ACAD10: variants seen among roughly 807,000 people sequenced by gnomAD.
The protein encoded by ACAD10 is ACAD-10.
A neutral mutation model predicts 116.8 loss-of-function variants in ACAD10; 112 were observed. The ratio of observed to expected loss-of-function variants is 0.96; its 90% CI spans 0.82 to 1.12. The LOEUF is 1.12. Among genes scored for constraint, ACAD10 ranks in the 50% most tolerant of loss-of-function variants. The pLI is 0.00. For synonymous variants in ACAD10, 486 were observed against 510.6 expected, an observed-to-expected ratio of 0.95 and a Z score of 0.65; for missense variants, 1,259 against 1,350.2, an observed-to-expected ratio of 0.93 and a Z score of 1.06.
intron 12 of ACAD10, 23 bp from the exon 13 acceptor site, chr12:111,744,620 T>C: frequency 6.3e-7 from 1 of 1,596,174 alleles, no homozygotes; most frequent in South Asian, 1.1e-5. Flanking sequence ...GAGTAATCAC[T>C]GTTTTTCTTT....
At chr12:111,689,147 T>C (rs1887967200) in intron 1 of ACAD10, among the ~76,000 whole-genome samples, 1 of 151,800 alleles carries the variant, frequency 6.6e-6, no homozygotes, top group Admixed American at 6.6e-5. Flanking sequence ...GCTCTGATCA[T>C]GCCACCGCAT....
intron 8 of ACAD10, among the ~76,000 whole-genome samples, chr12:111,723,553 C>T (rs1396526660): frequency 5.1e-5 from 7 of 137,358 alleles, no homozygotes; most frequent in Non-Finnish European, 9.6e-5. Context: ...CAGGCAGAGG[C>T]GCCCCTCACC....
intron 8 of ACAD10, among the ~76,000 whole-genome samples, chr12:111,726,628 G>C (rs1382622474): frequency 6.6e-6 from 1 of 152,118 alleles, no homozygotes; most frequent in Non-Finnish European, 1.5e-5. Flanking sequence ...TTGGGAGGCT[G>C]AGGCGGATGG....
At chr12:111,702,338 A>G (rs1355573428) in intron 3 of ACAD10, 28 bp downstream of exon 3, 4 of 1,604,630 alleles carry the variant, frequency 2.5e-6, no homozygotes, top group Non-Finnish European at 3.4e-6. Flanking sequence ...CTACATTTCC[A>G]TATTTTTCTT....
At chr12:111,721,523 G>A (rs578036600) in intron 7 of ACAD10, 148 bp from the exon 8 acceptor site, 68 of 593,308 alleles carry the variant, frequency 1.1e-4, no homozygotes, top group Non-Finnish European at 1.8e-4. Flanking sequence ...AGCCAAGATC[G>A]TGCCACTGCA....
Position 111,744,706 on chromosome 12 carries a change from C to T in ACAD10, c.1778C>T (p.Ala593Val), listed in dbSNP as rs1183799240. ...GKLTEFVSNL[A>V]WDFAVKEGFR... ...CTGACCGAATTTGTGTCTAACCTGGCGTGGGATTTCGCAGTCAAAGAAGGG... is the reference window on the plus strand; with the variant it reads ...CTGACCGAATTTGTGTCTAACCTGGTGTGGGATTTCGCAGTCAAAGAAGGG... The change falls in exon 13 of 21, where the codon GCG (alanine) becomes GTG (valine). Residue 593 changes from alanine to valine, a missense_variant. By Grantham distance (64) the Ala-to-Val change is moderately conservative (BLOSUM62 0). Coordinates refer to ENST00000313698, the MANE Select transcript of ACAD10 (RefSeq NM_025247.6). 7 of 1,614,068 alleles carry T rather than the reference C, an allele frequency of 4.3e-6. No homozygotes were observed. Among genetic ancestry groups the T allele is most frequent in the East Asian group, 2.2e-5 (1 of 44,894 alleles).
At position 111,749,348 on chromosome 12, in the gene ACAD10, G is replaced by A. The variant is rs1456257901; in HGVS notation, c.2817+3G>A. 1 of 1,610,780 alleles carries A rather than the reference G, an allele frequency of 6.2e-7. No homozygotes were observed. The highest frequency in any genetic ancestry group is 8.5e-7 in the Non-Finnish European group (1 of 1,178,418). ...CCCTGGCACTCATGAAGGCCCGCGT[G>A]AGTGCTTTCCCCCGCACCCAGCACT... On this transcript the variant is annotated splice_donor_region_variant and intron_variant, in intron 18 of 20. Coordinates refer to ENST00000313698, the MANE Select transcript of ACAD10 (RefSeq NM_025247.6).
At chr12:111,700,748 C>CTTTTTT (rs750378233) in intron 2 of ACAD10, among the ~76,000 whole-genome samples, 30 of 89,890 alleles carry the variant, frequency 3.3e-4, no homozygotes, top group Non-Finnish European at 3.8e-4. Context: ...CCTTCCTCTT[C>CTTTTTT]TTTTTTTTTT....
rs188073004 is a variant in ACAD10 at position 111,694,837 on chromosome 12, C to T, written c.187+1941C>T. ...GCACAGGAGTTCAAGACCAGCCTGG[C>T]CAACCTGGTGAAACCTTGTCTCTAC... On this transcript the variant is annotated intron_variant, in intron 2 of 20. Coordinates refer to ENST00000313698, the MANE Select transcript of ACAD10 (RefSeq NM_025247.6). Among the ~76,000 whole-genome samples the T allele has an allele frequency of 2.1e-4, 32 of 152,244 alleles. No individual in the cohort carries two copies. The East Asian group carries it at 6.2e-3, about 29-fold the overall frequency.
intron 10 of ACAD10, among the ~76,000 whole-genome samples, chr12:111,730,526 G>A (rs758549259): frequency 3.3e-5 from 5 of 152,306 alleles, no homozygotes; most frequent in African/African-American, 4.8e-5. Context: ...TATGCCTGGC[G>A]TCTGGCGGCA....
chr12:111,705,603 C>A, intron 3 of ACAD10, 135 bp from the exon 4 acceptor site: 1 of 761,302 alleles, frequency 1.3e-6, no homozygotes, highest in Non-Finnish European at 2.1e-6. Flanking sequence ...TTCCTGCAGG[C>A]AGCAAGCTAT....
intron 11 of ACAD10, among the ~76,000 whole-genome samples, chr12:111,734,464 A>G (rs1355128121): frequency 6.6e-6 from 1 of 152,124 alleles, no homozygotes; most frequent in African/African-American, 2.4e-5. Flanking sequence ...GTCTCTACTA[A>G]AAATACAAAA....
chr12:111,692,854 A>G lies in ACAD10; in HGVS notation c.145A>G (p.Met49Val), dbSNP rs576120196. The change falls in exon 2 of 21, where the codon ATG (methionine) becomes GTG (valine). Residue 49 changes from methionine to valine, a missense_variant. Met to Val is a conservative substitution (Grantham distance 21, BLOSUM62 1). Coordinates refer to ENST00000313698, the MANE Select transcript of ACAD10 (RefSeq NM_025247.6). The stretch of plus-strand genomic sequence containing the variant: ...CACCTACAGAGCGGTGATTTTCGAC[A>G]TGGGCGGAGTTCTCATTCCTTCTCC... Reference protein sequence around the residue: ...GSTYRAVIFDMGGVLIPSPGR... With the variant: ...GSTYRAVIFDVGGVLIPSPGR... 5.0e-6 allele frequency: 8 copies of G among 1,614,152 alleles called. No homozygotes were observed. Among genetic ancestry groups the G allele is most frequent in the Admixed American group, 3.3e-5 (2 of 60,014 alleles).
At chr12:111,723,634 G>C (rs1375745509) in intron 8 of ACAD10, among the ~76,000 whole-genome samples, 1 of 130,804 alleles carries the variant, frequency 7.6e-6, no homozygotes, top group Non-Finnish European at 1.6e-5. Context: ...GCGGCTGGCC[G>C]GGCGGGGGGC....
intron 7 of ACAD10, 77 bp from the exon 8 acceptor site, chr12:111,721,583 CAAACAAACAAA>C (rs1191811372): frequency 2.2e-5 from 29 of 1,302,798 alleles, no homozygotes; most frequent in Non-Finnish European, 3.1e-5. Context: ...ACAAAACAAA[CAAACAAACAAA>C]AAACAAAGAA....
At chr12:111,717,758 C>CTA (rs1465068620) in intron 7 of ACAD10, among the ~76,000 whole-genome samples, 1 of 152,040 alleles carries the variant, frequency 6.6e-6, no homozygotes, top group African/African-American at 2.4e-5. Context: ...TGGGGCCTCA[C>CTA]TATATTGCCT....
intron 10 of ACAD10, 45 bp from the exon 11 acceptor site, chr12:111,733,878 G>A (rs201565714): frequency 7.5e-5 from 121 of 1,612,172 alleles, no homozygotes; most frequent in African/African-American, 7.5e-4. Flanking sequence ...CACCCTAGCC[G>A]GCAGTTTTCT....
rs1412239632 is a variant in ACAD10, at chr12:111,727,964, T to C, written c.1064T>C (p.Val355Ala). The change falls in exon 9 of 21, where the codon GTC (valine) becomes GCC (alanine). Residue 355 changes from valine to alanine, a missense_variant and splice_region_variant. Transcript: ENST00000313698. ...AACCCCTTCTGTGTTCCTCCCAGTG[T>C]CATTGGCACCCCCTTCTATGTGATG... ...NVLDLCEDSSVIGTPFYVMEY... is the reference protein window; with the variant it reads ...NVLDLCEDSSAIGTPFYVMEY... 3 of 1,608,486 alleles carry C rather than the reference T, an allele frequency of 1.9e-6. No individual in the cohort carries two copies. The African/African-American group carries it at 4.0e-5, about 22-fold the overall frequency.
chr12:111,692,597 TG>T lies in ACAD10; in HGVS notation c.-13-97del, dbSNP rs545127537. 188 of 1,176,048 alleles carry T rather than the reference TG, an allele frequency of 1.6e-4. 1 individual carries two copies. The East Asian group carries it at 3.6e-3, about 22-fold the overall frequency. 72.9% of individuals were successfully genotyped at this position (1,176,048 alleles called of 1,614,324 possible). On this transcript the variant is annotated intron_variant, in intron 1 of 20. Transcript: ENST00000313698. Reference sequence around the variant, plus strand: ...TGTGATTCGAAGTGCCTGTTGGAGATGGGTTAGAGATGTCTGGCTGGCCCCT... The same window carrying T: ...TGTGATTCGAAGTGCCTGTTGGAGATGGTTAGAGATGTCTGGCTGGCCCCT...
Sources: gnomAD v4.1 joint callset for allele counts (sites outside exome capture counted in the v4.1 genomes callset) on GRCh38, gnomAD v4.1.1 for gene constraint, MANE v1.5 for transcripts, NCBI Gene and HGNC (gene_info 2026-07-23, HGNC 2026-07-21) for gene names.